The following ATRNL1 variants were observed in gnomAD, a reference collection of about 807,000 sequenced individuals.
ATRNL1 encodes the protein attractin like 1, also known as attractin-like protein 1.
ATRNL1 carries 95 observed loss-of-function variants against 182.7 expected under a neutral mutation model. The observed-to-expected ratio is 0.52, with a 90% CI of 0.44 to 0.62. ATRNL1 has a LOEUF of 0.62. ATRNL1 is among the 20% of genes least tolerant of loss of function. The pLI is 0.00. For synonymous variants in ATRNL1, 576 were observed against 568.3 expected, an observed-to-expected ratio of 1.01 and a Z score of -0.19; for missense variants, 1,471 against 1,679.5, an observed-to-expected ratio of 0.88 and a Z score of 2.17.
intron 15 of ATRNL1, among the ~76,000 whole-genome samples, chr10:115,294,762 G>A (rs1282483094): frequency 6.6e-6 from 1 of 152,154 alleles, no homozygotes. Context: ...TTAGTTCAAT[G>A]GGGTGTATTG....
chr10:115,113,361 T>A (rs1377616232), intron 1 of ATRNL1, among the ~76,000 whole-genome samples: 5 of 152,178 alleles, frequency 3.3e-5, no homozygotes, highest in African/African-American at 9.7e-5. Flanking sequence ...CTATGGAAAA[T>A]CATTAGGCAT....
At chr10:115,119,009 C>T (rs1043951371) in intron 1 of ATRNL1, among the ~76,000 whole-genome samples, 24 of 152,022 alleles carry the variant, frequency 1.6e-4, no homozygotes, top group African/African-American at 5.8e-4. Flanking sequence ...TATTTACTAT[C>T]TTATAGGTTT....
At chr10:115,676,584 G>GTATATATATATA (rs143315406) in intron 26 of ATRNL1, among the ~76,000 whole-genome samples, 11 of 150,126 alleles carry the variant, frequency 7.3e-5, no homozygotes, top group Admixed American at 3.3e-4. Context: ...ATCTGTATAT[G>GTATATATATATA]TATATATATA....
chr10:115,912,382 G>A (rs1952707306), intron 28 of ATRNL1, among the ~76,000 whole-genome samples: 1 of 149,318 alleles, frequency 6.7e-6, no homozygotes, highest in African/African-American at 2.5e-5. Context: ...ATCTTCACCT[G>A]TCAAATTAGT....
At chr10:115,706,322 T>G (rs1199053642) in intron 26 of ATRNL1, among the ~76,000 whole-genome samples, 2 of 151,844 alleles carry the variant, frequency 1.3e-5, no homozygotes, top group Non-Finnish European at 2.9e-5. Flanking sequence ...TCCCTATACT[T>G]CTGTTATAAG....
chr10:115,661,920 C>T (rs1462175083), intron 26 of ATRNL1, among the ~76,000 whole-genome samples: 1 of 130,594 alleles, frequency 7.7e-6, no homozygotes, highest in African/African-American at 2.8e-5. Context: ...ATCCCTCCCC[C>T]CTCCCCCCTC....
chr10:115,490,594 A>G (rs1849250289), intron 24 of ATRNL1, among the ~76,000 whole-genome samples: 1 of 152,022 alleles, frequency 6.6e-6, no homozygotes. Flanking sequence ...GTTTTTCTCT[A>G]AATTGGTTAT....
At chr10:115,547,283 A>T (rs1009429252) in intron 25 of ATRNL1, among the ~76,000 whole-genome samples, 26 of 145,952 alleles carry the variant, frequency 1.8e-4, no homozygotes, top group South Asian at 4.3e-4. Flanking sequence ...TATATATATA[A>T]ATATATATTT....
chr10:115,829,861 C>A (rs562752023), intron 27 of ATRNL1, among the ~76,000 whole-genome samples: 1 of 152,256 alleles, frequency 6.6e-6, no homozygotes, highest in South Asian at 2.1e-4. Flanking sequence ...CACAGCAATG[C>A]CACCTTTTAG....
chr10:115,243,227 C>G (rs1362650163), intron 10 of ATRNL1, among the ~76,000 whole-genome samples: 3 of 151,916 alleles, frequency 2.0e-5, no homozygotes, highest in Non-Finnish European at 4.4e-5. Context: ...TAAGGTTGAG[C>G]TATTTTCTGG....
At chr10:115,832,417 C>A (rs1481108022) in intron 27 of ATRNL1, among the ~76,000 whole-genome samples, 1 of 152,146 alleles carries the variant, frequency 6.6e-6, no homozygotes, top group Non-Finnish European at 1.5e-5. Flanking sequence ...GATAGAAAAC[C>A]CTTTCTGTTG....
chr10:115,355,176 C>G (rs970266311), intron 19 of ATRNL1, among the ~76,000 whole-genome samples: 3 of 152,074 alleles, frequency 2.0e-5, no homozygotes, highest in Non-Finnish European at 2.9e-5. Flanking sequence ...GTAATGTTTT[C>G]CTGAATGCTC....
At chr10:115,544,790 A>G (rs77040795) in intron 25 of ATRNL1, among the ~76,000 whole-genome samples, 2,972 of 152,252 alleles carry the variant, frequency 0.02, 66 homozygotes, top group East Asian at 0.12. Context: ...GATGATGGAA[A>G]TTCTGTCATT....
Position 115,477,889 on chromosome 10 carries a change from G to A in ATRNL1, c.3654+8560G>A, listed in dbSNP as rs1483733664. Among the ~76,000 whole-genome samples, 3 of 151,622 alleles carry A rather than the reference G, an allele frequency of 2.0e-5. No homozygotes were observed. The East Asian group carries it at 5.8e-4, about 29-fold the overall frequency. ...TAATCTGCTGCAAAGTGAATTATAT[G>A]TAACATTTTCATCAATGCCAATTCT... is the stretch of plus-strand genomic sequence containing the variant. On this transcript the variant is annotated intron_variant, in intron 24 of 28. Transcript: ENST00000355044.
At chr10:115,297,826 A>C (rs1554923196) in intron 15 of ATRNL1, among the ~76,000 whole-genome samples, 3 of 152,108 alleles carry the variant, frequency 2.0e-5, no homozygotes, top group African/African-American at 7.2e-5. Flanking sequence ...TATTATTTTT[A>C]GTTCTTACAA....
chr10:115,811,238 T>C (rs372666057), intron 27 of ATRNL1, among the ~76,000 whole-genome samples: 4 of 152,170 alleles, frequency 2.6e-5, no homozygotes, highest in South Asian at 4.1e-4. Context: ...CTTTGATCTT[T>C]GGCTTATTTA....
chr10:115,368,937 C>T (rs1554947115), intron 19 of ATRNL1, among the ~76,000 whole-genome samples: 1 of 152,058 alleles, frequency 6.6e-6, no homozygotes, highest in East Asian at 1.9e-4. Context: ...TGGTCTTGAA[C>T]TCCTGACCTC....
intron 27 of ATRNL1, among the ~76,000 whole-genome samples, chr10:115,767,953 T>G (rs1948897672): frequency 6.6e-6 from 1 of 152,160 alleles, no homozygotes; most frequent in Non-Finnish European, 1.5e-5. Context: ...TTTGAACATC[T>G]TCATGGATAT....
chr10:115,521,835 G>T (rs779917766), intron 25 of ATRNL1, among the ~76,000 whole-genome samples: 29 of 152,164 alleles, frequency 1.9e-4, no homozygotes, highest in Admixed American at 1.4e-3. Flanking sequence ...ATATGGACAG[G>T]ATATTTTGAA....
Sources: allele counts gnomAD v4.1 joint callset (sites outside exome capture counted in the v4.1 genomes callset), GRCh38; gene constraint gnomAD v4.1.1; transcripts MANE v1.5; gene names NCBI Gene and HGNC (gene_info 2026-07-23, HGNC 2026-07-21).